Variants in CWH43 observed in about 807,000 individuals in gnomAD.
The protein encoded by CWH43 is PGAP2-interacting protein.
CWH43 carries 91 observed loss-of-function variants against 85.7 expected under a neutral mutation model. That is an observed-to-expected ratio of 1.06 (90% CI 0.90 to 1.26). CWH43 has a LOEUF of 1.26. Among genes scored for constraint, CWH43 ranks in the 50% most tolerant of loss-of-function variants. The pLI is 0.00. For missense variants in CWH43, 869 were observed against 839.2 expected (o/e 1.04, Z -0.44); for synonymous variants, 323 against 293.6 (o/e 1.10, Z -1.02).
At chr4:49,057,634 G>A (rs1275331237) in intron 15 of CWH43, among the ~76,000 whole-genome samples, 2 of 152,132 alleles carry the variant, frequency 1.3e-5, no homozygotes, top group African/African-American at 2.4e-5. Flanking sequence ...GGTCGATTTG[G>A]TCTATAGTGT....
intron 9 of CWH43, among the ~76,000 whole-genome samples, chr4:49,020,254 G>A (rs749303426): frequency 2.4e-4 from 37 of 151,746 alleles, no homozygotes; most frequent in Non-Finnish European, 3.7e-4. Flanking sequence ...TCCCACTTAC[G>A]TGCAAGAATA....
intron 9 of CWH43, among the ~76,000 whole-genome samples, chr4:49,024,100 C>A (rs1388797619): frequency 6.6e-6 from 1 of 151,982 alleles, no homozygotes; most frequent in African/African-American, 2.4e-5. Flanking sequence ...ATGTAATGTC[C>A]TTCTTTGTCT....
At position 49,032,653 on chromosome 4, in the gene CWH43, A is replaced by G; in HGVS notation, c.1596A>G (p.Thr532=). 4 of 1,559,106 alleles carry G rather than the reference A, an allele frequency of 2.6e-6. No homozygotes were observed. Among genetic ancestry groups the G allele is most frequent in the Non-Finnish European group, 2.6e-6 (3 of 1,133,908 alleles). Residue 532 remains threonine (T), a synonymous_variant, in exon 12 of 16, where the codon ACA becomes ACG. Coordinates refer to ENST00000226432, the MANE Select transcript of CWH43 (RefSeq NM_025087.3). The part of the protein sequence containing the change: ...SPEGEIAPAI[T]LTVNISGKLV... ...AGGGCGAGATCGCACCAGCCATCAC[A>G]TTGACCGTTAACATTTCGGGCAAGC...
At chr4:49,017,166 T>C in intron 8 of CWH43, 83 bp from the exon 9 acceptor site, 1 of 1,142,934 alleles carries the variant, frequency 8.7e-7, no homozygotes, top group South Asian at 1.3e-5. Context: ...GCACTGGAGC[T>C]GAGGCACTGA....
intron 8 of CWH43, among the ~76,000 whole-genome samples, chr4:49,013,065 C>T (rs2109776704): frequency 6.6e-6 from 1 of 152,360 alleles, no homozygotes; most frequent in African/African-American, 2.4e-5. Flanking sequence ...GAAGTTTCTC[C>T]TGCCTTTTGT....
At chr4:49,002,945 A>G (rs1783039668) in intron 6 of CWH43, among the ~76,000 whole-genome samples, 1 of 152,182 alleles carries the variant, frequency 6.6e-6, no homozygotes, top group African/African-American at 2.4e-5. Context: ...TCCCAATTAT[A>G]CAACATGGAT....
chr4:49,046,607 G>A (rs1560513480), intron 14 of CWH43, among the ~76,000 whole-genome samples: 1 of 152,092 alleles, frequency 6.6e-6, no homozygotes, highest in African/African-American at 2.4e-5. Context: ...ATGATGGAGT[G>A]AAATCTTGGC....
chr4:49,020,416 C>CATATAT (rs1553915061), intron 9 of CWH43, among the ~76,000 whole-genome samples: 12 of 128,388 alleles, frequency 9.3e-5, no homozygotes, highest in South Asian at 7.7e-4. Flanking sequence ...CACACACACA[C>CATATAT]ATATATATAT....
chr4:49,036,023 C>A (rs1382733382), intron 12 of CWH43, among the ~76,000 whole-genome samples: 1 of 152,126 alleles, frequency 6.6e-6, no homozygotes, highest in Non-Finnish European at 1.5e-5. Flanking sequence ...CACTAGTTAA[C>A]AGTGGGGAAT....
At chr4:49,061,407 T>C (rs1785153367) in intron 15 of CWH43, among the ~76,000 whole-genome samples, 1 of 152,246 alleles carries the variant, frequency 6.6e-6, no homozygotes, top group African/African-American at 2.4e-5. Flanking sequence ...GTTATTCATG[T>C]GCAAAGAGTT....
At chr4:49,060,508 T>G (rs1446944352) in intron 15 of CWH43, among the ~76,000 whole-genome samples, 2 of 152,070 alleles carry the variant, frequency 1.3e-5, no homozygotes, top group Non-Finnish European at 2.9e-5. Flanking sequence ...CAATGTTCAT[T>G]GGCCTGGACC....
intron 13 of CWH43, among the ~76,000 whole-genome samples, chr4:49,044,202 C>T (rs1784551743): frequency 2.0e-5 from 3 of 152,034 alleles, no homozygotes; most frequent in Admixed American, 2.0e-4. Context: ...AATAATAACC[C>T]TGGTCCCAAG....
intron 7 of CWH43, 49 bp downstream of exon 7, chr4:49,004,041 C>T (rs760509962): frequency 8.9e-5 from 135 of 1,518,830 alleles, no homozygotes; most frequent in Non-Finnish European, 1.1e-4. Flanking sequence ...CAAAAATATC[C>T]TTATGGACTG....
At chr4:49,055,537 C>T (rs1166063532) in intron 15 of CWH43, among the ~76,000 whole-genome samples, 1 of 151,932 alleles carries the variant, frequency 6.6e-6, no homozygotes, top group Non-Finnish European at 1.5e-5. Flanking sequence ...GCAGGTGTTC[C>T]CTCCTCTTCA....
At chr4:48,996,074 T>C (rs1358211646) in intron 5 of CWH43, among the ~76,000 whole-genome samples, 1 of 151,836 alleles carries the variant, frequency 6.6e-6, no homozygotes, top group African/African-American at 2.4e-5. Context: ...TTCACCTGAG[T>C]CGAACCCACT....
At chr4:48,991,721 G>A in intron 3 of CWH43, 147 bp downstream of exon 3, 1 of 1,016,434 alleles carries the variant, frequency 9.8e-7, no homozygotes, top group Non-Finnish European at 1.4e-6. Flanking sequence ...CCAAAACAAG[G>A]ACATGAATAC....
chr4:49,000,813 TG>T (rs1782966142), intron 6 of CWH43, among the ~76,000 whole-genome samples: 1 of 144,900 alleles, frequency 6.9e-6, no homozygotes, highest in Non-Finnish European at 1.5e-5. Flanking sequence ...GTTGTCTCTC[TG>T]GAGTATTAAA....
At chr4:49,043,028 C>A (rs1560511510) in intron 13 of CWH43, among the ~76,000 whole-genome samples, 1 of 152,074 alleles carries the variant, frequency 6.6e-6, no homozygotes, top group Non-Finnish European at 1.5e-5. Flanking sequence ...TGGTGCTGGA[C>A]CTCTCTCTCT....
At chr4:49,049,462 C>T (rs1784727664) in intron 14 of CWH43, among the ~76,000 whole-genome samples, 1 of 151,938 alleles carries the variant, frequency 6.6e-6, no homozygotes, top group Admixed American at 6.6e-5. Context: ...TGATTCTCTA[C>T]CTGGTAGCTG....
Sources: allele counts gnomAD v4.1 joint callset (sites outside exome capture counted in the v4.1 genomes callset), GRCh38; gene constraint gnomAD v4.1.1; transcripts MANE v1.5; gene names NCBI Gene and HGNC (gene_info 2026-07-23, HGNC 2026-07-21).